Variants in CNTN3 observed in about 807,000 individuals in gnomAD.
CNTN3 encodes contactin-3.
In CNTN3, 60 loss-of-function variants were observed where a neutral mutation model predicts 119.1. That is an observed-to-expected ratio of 0.50 (90% CI 0.41 to 0.62). CNTN3 has a LOEUF of 0.62. Ranked by LOEUF, CNTN3 falls within the 20% of genes least tolerant of loss-of-function variation. CNTN3 has a pLI of 0.00. For missense variants in CNTN3, 1,101 were observed against 1,242.4 expected, an observed-to-expected ratio of 0.89 and a Z score of 1.71; for synonymous variants, 450 against 438.7, an observed-to-expected ratio of 1.03 and a Z score of -0.32.
rs78308330 is a variant in CNTN3, at chr3:74,297,010, G to A, written c.2401+947C>T. ...AAAATGTAGATGTCTCAATATCTGA[G>A]ACAGGTATAAAAGAAAGGCAAAGAA... On this transcript the variant is annotated intron_variant, in intron 18 of 22. Transcript: ENST00000263665. Among the ~76,000 whole-genome samples, 149 of 152,126 alleles carry A rather than the reference G, an allele frequency of 9.8e-4. 1 individual carries two copies. Among genetic ancestry groups the A allele is most frequent in the African/African-American group, 3.6e-3 (148 of 41,512 alleles).
At chr3:74,383,489 T>C (rs996910928) in intron 5 of CNTN3, among the ~76,000 whole-genome samples, 1 of 152,102 alleles carries the variant, frequency 6.6e-6, no homozygotes, top group African/African-American at 2.4e-5. Flanking sequence ...ATTTTTTTCT[T>C]TTCTTTTGTT....
intron 2 of CNTN3, among the ~76,000 whole-genome samples, chr3:74,514,657 T>C (rs1703422282): frequency 6.6e-6 from 1 of 152,128 alleles, no homozygotes; most frequent in African/African-American, 2.4e-5. Flanking sequence ...GATGCATGTG[T>C]AACTTGATTT....
intron 4 of CNTN3, among the ~76,000 whole-genome samples, chr3:74,451,445 T>C (rs911812438): frequency 3.9e-5 from 6 of 152,160 alleles, no homozygotes; most frequent in African/African-American, 1.4e-4. Context: ...TTGTGAAAAT[T>C]TTCTCCCATT....
intron 4 of CNTN3, among the ~76,000 whole-genome samples, chr3:74,473,580 G>A (rs547452818): frequency 2.6e-5 from 4 of 152,304 alleles, no homozygotes; most frequent in African/African-American, 9.6e-5. Context: ...TATTGAATGA[G>A]CATCTACTAC....
At chr3:74,346,967 G>A (rs1471912945) in intron 11 of CNTN3, among the ~76,000 whole-genome samples, 2 of 152,062 alleles carry the variant, frequency 1.3e-5, no homozygotes, top group African/African-American at 2.4e-5. Context: ...AAAATTATAC[G>A]TACTTTTAAG....
At chr3:74,572,740 T>C (rs138728175) in intron 1 of CNTN3, among the ~76,000 whole-genome samples, 213 of 152,336 alleles carry the variant, frequency 1.4e-3, no homozygotes, top group African/African-American at 4.7e-3. Context: ...AAAATTCCAC[T>C]TTCTAAAAGC....
intron 1 of CNTN3, among the ~76,000 whole-genome samples, chr3:74,523,686 C>A (rs1324482592): frequency 6.6e-6 from 1 of 151,872 alleles, no homozygotes. Context: ...TGTGCAGTAA[C>A]CTTGCCATTA....
At chr3:74,311,965 A>G (rs854702) in intron 13 of CNTN3, among the ~76,000 whole-genome samples, 11,813 of 141,272 alleles carry the variant, frequency 0.084, 568 homozygotes, top group East Asian at 0.28. Context: ...TTCAGTGTGG[A>G]CAATTCCGTG....
intron 1 of CNTN3, among the ~76,000 whole-genome samples, chr3:74,582,783 T>TTGTG (rs60306845): frequency 0.019 from 2,710 of 145,066 alleles, 38 homozygotes; most frequent in Middle Eastern, 0.064. Flanking sequence ...GTGTATGCAT[T>TTGTG]TGTGTGTGTG....
At chr3:74,283,382 T>A (rs1463008795) in intron 20 of CNTN3, among the ~76,000 whole-genome samples, 1 of 152,164 alleles carries the variant, frequency 6.6e-6, no homozygotes, top group East Asian at 1.9e-4. Flanking sequence ...GTGTCAACCA[T>A]AATTATCAGC....
chr3:74,337,895 A>G (rs1328247726), intron 11 of CNTN3, among the ~76,000 whole-genome samples: 1 of 151,968 alleles, frequency 6.6e-6, no homozygotes, highest in Non-Finnish European at 1.5e-5. Flanking sequence ...GGTGCATCAG[A>G]AAAGCCTCTT....
intron 1 of CNTN3, among the ~76,000 whole-genome samples, chr3:74,594,790 A>C (rs1046362534): frequency 2.6e-5 from 4 of 151,960 alleles, no homozygotes; most frequent in African/African-American, 4.8e-5. Context: ...AGCATGATTT[A>C]TAGTCCTTTG....
intron 5 of CNTN3, among the ~76,000 whole-genome samples, chr3:74,378,344 G>A (rs950307208): frequency 3.3e-5 from 5 of 152,146 alleles, no homozygotes; most frequent in Admixed American, 6.5e-5. Context: ...TTAACATTTC[G>A]TTGCATTATC....
chr3:74,380,308 C>A (rs1461199511), intron 5 of CNTN3, among the ~76,000 whole-genome samples: 5 of 152,206 alleles, frequency 3.3e-5, no homozygotes, highest in African/African-American at 4.8e-5. Flanking sequence ...TTGCACATAG[C>A]CACGCTTGAT....
intron 20 of CNTN3, among the ~76,000 whole-genome samples, chr3:74,269,866 G>A (rs1322565502): frequency 6.6e-6 from 1 of 152,058 alleles, no homozygotes; most frequent in Admixed American, 6.6e-5. Flanking sequence ...TGGTGGAAGG[G>A]GAAATGGAGA....
chr3:74,598,057 T>G (rs1704842845), intron 1 of CNTN3, among the ~76,000 whole-genome samples: 1 of 152,056 alleles, frequency 6.6e-6, no homozygotes, highest in Non-Finnish European at 1.5e-5. Flanking sequence ...TTTTATGGTT[T>G]ACATCATGCT....
chr3:74,475,679 G>C (rs1255281110), intron 4 of CNTN3, among the ~76,000 whole-genome samples: 1 of 152,094 alleles, frequency 6.6e-6, no homozygotes, highest in Non-Finnish European at 1.5e-5. Context: ...CACATGGTTT[G>C]GGGTTTCATA....
rs543737590 is a variant in CNTN3, at chr3:74,461,682, A to G, written c.358+24774T>C. ...AATCCTTTTGTATCTACTTTGCATC[A>G]TATTGTTAGATAGTTACAGTATCAG... On this transcript the variant is annotated intron_variant, in intron 4 of 22. Coordinates refer to ENST00000263665, the MANE Select transcript of CNTN3 (RefSeq NM_020872.3). Among the ~76,000 whole-genome samples, 66 of 152,194 alleles carry G rather than the reference A, an allele frequency of 4.3e-4. 1 individual carries two copies. The highest frequency in any genetic ancestry group is 1.5e-3 in the African/African-American group (64 of 41,552).
At chr3:74,382,519 C>T (rs1362080245) in intron 5 of CNTN3, among the ~76,000 whole-genome samples, 1 of 152,094 alleles carries the variant, frequency 6.6e-6, no homozygotes, top group Admixed American at 6.6e-5. Flanking sequence ...TCCCTCCTCC[C>T]CAACTCCCCC....
Sources: gnomAD v4.1 joint callset for allele counts (sites outside exome capture counted in the v4.1 genomes callset) on GRCh38, gnomAD v4.1.1 for gene constraint, MANE v1.5 for transcripts, NCBI Gene and HGNC (gene_info 2026-07-23, HGNC 2026-07-21) for gene names.